The following PTPRT variants were observed in gnomAD, a reference collection of about 807,000 sequenced individuals.
PTPRT encodes the protein protein tyrosine phosphatase receptor type T.
Under a neutral mutation model 176.8 loss-of-function variants are expected in PTPRT, and 56 were observed. That is an observed-to-expected ratio of 0.32 (90% confidence interval 0.26 to 0.40). The LOEUF is 0.40. PTPRT is among the 10% of genes least tolerant of loss of function. PTPRT has a pLI of 1.00. For synonymous variants in PTPRT, 783 were observed against 739.0 expected (o/e 1.06, Z -0.96); for missense variants, 1,540 against 1,908.2 (o/e 0.81, Z 3.60).
chr20:42,200,841 T>C (rs1339550750), intron 15 of PTPRT, among the ~76,000 whole-genome samples: 1 of 152,194 alleles, frequency 6.6e-6, no homozygotes, highest in Non-Finnish European at 1.5e-5. Flanking sequence ...ACAGTAGGCT[T>C]CAAATTCAAT....
intron 11 of PTPRT, among the ~76,000 whole-genome samples, chr20:42,338,634 G>A (rs902861333): frequency 6.6e-5 from 10 of 152,096 alleles, no homozygotes; most frequent in African/African-American, 2.2e-4. Flanking sequence ...ACTTAGCCTG[G>A]ATTGGGACCA....
intron 2 of PTPRT, among the ~76,000 whole-genome samples, chr20:42,878,662 ATGT>A (rs1233185470): frequency 1.3e-5 from 2 of 152,220 alleles, no homozygotes; most frequent in Admixed American, 1.3e-4. Context: ...ATTAGACAAA[ATGT>A]TGTACAGGAT....
At chr20:42,546,025 C>G (rs982789504) in intron 7 of PTPRT, among the ~76,000 whole-genome samples, 19 of 151,986 alleles carry the variant, frequency 1.3e-4, no homozygotes, top group Non-Finnish European at 1.8e-4. Flanking sequence ...TCAATACATA[C>G]AAATACATGT....
intron 1 of PTPRT, among the ~76,000 whole-genome samples, chr20:43,020,471 C>T (rs1985620356): frequency 6.6e-6 from 1 of 152,004 alleles, no homozygotes; most frequent in Non-Finnish European, 1.5e-5. Context: ...AAACATCACC[C>T]TACTGTTTAC....
chr20:43,126,113 G>T (rs1426190948), intron 1 of PTPRT, among the ~76,000 whole-genome samples: 2 of 152,154 alleles, frequency 1.3e-5, no homozygotes, highest in African/African-American at 4.8e-5. Context: ...ACTTTGGGAG[G>T]CTGTGAGGCA....
At chr20:42,406,950 A>T (rs932320) in intron 9 of PTPRT, among the ~76,000 whole-genome samples, 126,069 of 152,124 alleles carry the variant, frequency 0.83, 52,527 homozygotes, top group Admixed American at 0.86. Flanking sequence ...CTGGTGACTG[A>T]TACCAAAGCT....
chr20:42,062,618 C>T, the PTPRT span, among the ~76,000 whole-genome samples: 4 of 152,190 alleles, frequency 2.6e-5, no homozygotes, highest in African/African-American at 9.7e-5. Context: ...CATAAAATGT[C>T]TCAAGCCCTT....
chr20:42,069,087 A>C (rs1460373202), downstream of PTPRT, among the ~76,000 whole-genome samples: 2 of 152,212 alleles, frequency 1.3e-5, no homozygotes, highest in Non-Finnish European at 1.5e-5. Context: ...ATGGACACTC[A>C]GAGAGGAGAG....
At position 42,404,972 on chromosome 20, in the gene PTPRT, T is replaced by TTTTTTATATATATATATATATA. The variant is rs960312629; in HGVS notation, c.1560+43247_1560+43248insTATATATATATATATATAAAAA. On this transcript the variant is annotated intron_variant, in intron 9 of 30. Transcript: ENST00000373187. ...AGCATGTGAATAGAGGGCCAATTAATTATATATATATATATACACACACAC... is the reference window on the plus strand; with the variant it reads ...AGCATGTGAATAGAGGGCCAATTAATTTTTTATATATATATATATATATATATATATATATATACACACACAC... Among the ~76,000 whole-genome samples, 22 of 77,928 alleles carry TTTTTTATATATATATATATATA rather than the reference T, an allele frequency of 2.8e-4. 1 individual carries two copies. The highest frequency in any genetic ancestry group is 4.1e-4 in the Non-Finnish European group (15 of 36,902). 51.1% of individuals were successfully genotyped at this position (77,928 alleles called of 152,430 possible). A position where few individuals can be genotyped will look rare whatever the true frequency, so the allele number is the denominator to read the frequency against.
chr20:42,325,136 C>T (rs574593417), intron 11 of PTPRT, among the ~76,000 whole-genome samples: 1 of 152,194 alleles, frequency 6.6e-6, no homozygotes, highest in Admixed American at 6.5e-5. Flanking sequence ...GAAGTGAGGG[C>T]AGCAAGAACT....
At chr20:43,094,127 C>T (rs1271528218) in intron 1 of PTPRT, among the ~76,000 whole-genome samples, 25 of 143,420 alleles carry the variant, frequency 1.7e-4, no homozygotes, top group African/African-American at 6.3e-4. Context: ...CTTGCCCTGT[C>T]GCTAAGCAGG....
At chr20:42,946,643 C>T (rs1980900318) in intron 1 of PTPRT, among the ~76,000 whole-genome samples, 1 of 152,142 alleles carries the variant, frequency 6.6e-6, no homozygotes, top group African/African-American at 2.4e-5. Context: ...AGTCTCAGCA[C>T]AAAACACCCA....
At chr20:43,083,351 T>TATACATATATATATATATATATATATAC (rs2011510110) in intron 1 of PTPRT, among the ~76,000 whole-genome samples, 8 of 114,290 alleles carry the variant, frequency 7.0e-5, no homozygotes, top group African/African-American at 1.7e-4. Context: ...TATATATATA[T>TATACATATATATATATATATATATATAC]ATATATATAT....
chr20:42,045,418 G>A, the PTPRT span, among the ~76,000 whole-genome samples: 1,006 of 151,322 alleles, frequency 6.6e-3, 10 homozygotes, highest in African/African-American at 0.023. Context: ...AGAAAGTTTC[G>A]TTGTGATTAT....
At chr20:42,133,430 C>A (rs533424223) in intron 18 of PTPRT, among the ~76,000 whole-genome samples, 1 of 152,184 alleles carries the variant, frequency 6.6e-6, no homozygotes, top group Admixed American at 6.5e-5. Flanking sequence ...GTGAAAGAAG[C>A]CAATCTGAAA....
At chr20:43,042,928 T>C (rs1454595015) in intron 1 of PTPRT, among the ~76,000 whole-genome samples, 3 of 152,158 alleles carry the variant, frequency 2.0e-5, no homozygotes, top group Non-Finnish European at 4.4e-5. Context: ...ACTCCAACCA[T>C]GTTACCATCC....
intron 1 of PTPRT, among the ~76,000 whole-genome samples, chr20:43,091,518 CTT>C (rs1339781522): frequency 2.1e-5 from 3 of 145,728 alleles, no homozygotes; most frequent in Admixed American, 6.8e-5. Context: ...TCCCCCCTCT[CTT>C]TCTCTCTCTC....
intron 1 of PTPRT, among the ~76,000 whole-genome samples, chr20:43,134,294 T>G (rs6072992): frequency 0.073 from 11,139 of 152,272 alleles, 776 homozygotes; most frequent in East Asian, 0.24. Context: ...CTTCTGAACC[T>G]TTTCCTTGGC....
chr20:42,543,021 C>T (rs2072610714), intron 7 of PTPRT, among the ~76,000 whole-genome samples: 1 of 152,184 alleles, frequency 6.6e-6, no homozygotes, highest in Non-Finnish European at 1.5e-5. Flanking sequence ...AAGTTGTAAT[C>T]TTTTTGTTGG....
Sources: gnomAD v4.1 joint callset for allele counts (sites outside exome capture counted in the v4.1 genomes callset) on GRCh38, gnomAD v4.1.1 for gene constraint, MANE v1.5 for transcripts, NCBI Gene and HGNC (gene_info 2026-07-23, HGNC 2026-07-21) for gene names.